Variants in RADX observed in about 807,000 individuals in gnomAD.
The protein encoded by RADX is RPA-related protein RADX.
Under a neutral mutation model 61.6 loss-of-function variants are expected in RADX, and 36 were observed. That is an observed-to-expected ratio of 0.58 (90% confidence interval 0.45 to 0.77). The LOEUF (loss-of-function observed/expected upper bound fraction) is 0.77, where lower values mean the gene tolerates loss of function less well. Ranked by LOEUF, RADX falls within the 30% of genes least tolerant of loss-of-function variation. The pLI, the probability that RADX is intolerant of heterozygous loss-of-function variation, is 0.00. For synonymous variants in RADX, 272 were observed against 237.9 expected, an observed-to-expected ratio of 1.14 and a Z score of -1.32; for missense variants, 497 against 651.1, an observed-to-expected ratio of 0.76 and a Z score of 2.58.
intron 2 of RADX, among the ~76,000 whole-genome samples, chrX:106,623,302 G>A (rs925530634): frequency 1.4e-4 from 16 of 111,346 alleles, no homozygotes; most frequent in Admixed American, 1.4e-3. Flanking sequence ...TGTCAAATCT[G>A]TGTGATACTT....
At chrX:106,636,702 C>A in intron 7 of RADX, 55 bp downstream of exon 7, 1 of 634,043 alleles carries the variant, frequency 1.6e-6, no homozygotes, top group Non-Finnish European at 2.4e-6. Flanking sequence ...TCCCTAGAAT[C>A]CTTCAGTACA....
chrX:106,642,558 C>T (rs758387618), intron 10 of RADX, among the ~76,000 whole-genome samples: 1 of 111,711 alleles, frequency 9.0e-6, no homozygotes, highest in African/African-American at 3.2e-5. Context: ...ATCTCCAGTT[C>T]CATCCATGTT....
rs1181658291 is a variant in RADX, at chrX:106,631,376, G to A, written c.980-1249G>A. ...TTAGTACTAAGGGAAATACAAAATAGGATCACAACAAATTGTCATATCACT... is the reference window on the plus strand; with the variant it reads ...TTAGTACTAAGGGAAATACAAAATAAGATCACAACAAATTGTCATATCACT... On this transcript the variant is annotated intron_variant, in intron 3 of 13. Coordinates refer to ENST00000372548, the MANE Select transcript of RADX (RefSeq NM_018015.6). 3.6e-5 allele frequency among the ~76,000 whole-genome samples: 4 copies of A among 110,865 alleles called. No individual in the cohort carries two copies. The Admixed American group carries it at 3.9e-4, about 11-fold the overall frequency.
At chrX:106,651,060 G>GTA (rs1343888149) in intron 11 of RADX, among the ~76,000 whole-genome samples, 2 of 110,634 alleles carry the variant, frequency 1.8e-5, no homozygotes, top group Admixed American at 9.7e-5. Flanking sequence ...TTTCAAAATT[G>GTA]TATATATATA....
chrX:106,623,663 C>T (rs1001783605), intron 2 of RADX, among the ~76,000 whole-genome samples: 12 of 110,503 alleles, frequency 1.1e-4, no homozygotes, highest in Admixed American at 9.7e-4. Flanking sequence ...ATATATATCA[C>T]ATATATGTGC....
At chrX:106,657,075 G>C (rs773359383) in intron 11 of RADX, among the ~76,000 whole-genome samples, 3 of 112,354 alleles carry the variant, frequency 2.7e-5, no homozygotes, top group Non-Finnish European at 5.6e-5. Context: ...AAAATCTGTT[G>C]TTCAGTGTAG....
At chrX:106,616,747 A>T (rs1015731344) in intron 1 of RADX, among the ~76,000 whole-genome samples, 3 of 111,220 alleles carry the variant, frequency 2.7e-5, no homozygotes, top group Non-Finnish European at 5.7e-5. Flanking sequence ...CAAATCCATT[A>T]AAAAAATGAC....
intron 11 of RADX, among the ~76,000 whole-genome samples, chrX:106,653,425 A>AAGTT (rs199997454): frequency 0.11 from 12,117 of 110,947 alleles, 1,636 homozygotes; most frequent in African/African-American, 0.38. Context: ...AGATTGTAGT[A>AAGTT]AATGTTGTAT....
At chrX:106,639,708 T>C in intron 9 of RADX, 21 bp downstream of exon 9, 4 of 1,138,950 alleles carry the variant, frequency 3.5e-6, no homozygotes, top group Non-Finnish European at 4.7e-6. Flanking sequence ...AGAGAATTAA[T>C]AGTATTTCTC....
At chrX:106,653,260 G>A (rs1331159246) in intron 11 of RADX, among the ~76,000 whole-genome samples, 3 of 110,803 alleles carry the variant, frequency 2.7e-5, no homozygotes, top group African/African-American at 9.8e-5. Flanking sequence ...TTTTCTTTTA[G>A]ATCAGAAATA....
At chrX:106,671,806 T>TTCTTTCTATATA (rs1556305188) in intron 13 of RADX, among the ~76,000 whole-genome samples, 7 of 111,654 alleles carry the variant, frequency 6.3e-5, no homozygotes, top group African/African-American at 2.0e-4. Context: ...ATATGTTTTT[T>TTCTTTCTATATA]CTTTCTATGC....
chrX:106,648,637 T>C (rs1927722207), intron 11 of RADX, among the ~76,000 whole-genome samples: 1 of 104,155 alleles, frequency 9.6e-6, no homozygotes, highest in African/African-American at 4.2e-5. Flanking sequence ...TCAAATGTAC[T>C]ATTTTTAATA....
chrX:106,674,985 C>T (rs1320903888), intron 13 of RADX, among the ~76,000 whole-genome samples: 1 of 107,046 alleles, frequency 9.3e-6, no homozygotes, highest in Non-Finnish European at 1.9e-5. Context: ...GATCTCACCA[C>T]TGCACTCCAG....
intron 6 of RADX, 26 bp from the exon 7 acceptor site, chrX:106,636,517 A>T: frequency 1.1e-6 from 1 of 933,212 alleles, no homozygotes; most frequent in South Asian, 2.1e-5. Context: ...TGGAAAAGTA[A>T]TTTCATAAGT....
intron 1 of RADX, among the ~76,000 whole-genome samples, chrX:106,620,501 C>T (rs925595762): frequency 1.8e-5 from 2 of 109,784 alleles, no homozygotes; most frequent in African/African-American, 3.3e-5. Flanking sequence ...GGTGAAACCC[C>T]GTCTCTACTA....
chrX:106,612,512 C>G lies in RADX; in HGVS notation c.432C>G (p.Gly144=). 4 of 1,210,187 alleles carry G rather than the reference C, an allele frequency of 3.3e-6. No homozygotes were observed. In the South Asian group the frequency reaches 5.3e-5, roughly 16 times the overall value. The change falls in exon 1 of 14, where the codon GGC becomes GGG. Residue 144 remains glycine (G), a synonymous_variant. Coordinates refer to ENST00000372548, the MANE Select transcript of RADX (RefSeq NM_018015.6). The stretch of plus-strand genomic sequence containing the variant: ...GTCTTTACAATGAGAAAAGGATAGG[C>G]CAGGGGATCCTGTGCATAGATAACG... ...VSCLYNEKRI[G]QGILCIDNVH...
chrX:106,678,108 C>T lies in RADX; in HGVS notation c.2438-20C>T. The T allele has an allele frequency of 9.0e-7, 1 of 1,105,747 alleles. No homozygotes were observed. Among genetic ancestry groups the T allele is most frequent in the South Asian group, 2.0e-5 (1 of 50,927 alleles). The allele number at this position is 1,105,747 out of a possible 1,213,427, so 91.1% of individuals were successfully genotyped here. On this transcript the variant is annotated intron_variant, in intron 13 of 13. Coordinates refer to ENST00000372548, the MANE Select transcript of RADX (RefSeq NM_018015.6). ...TATTTAACTATTTTACAGTACTTACCATCTGCTTTTTACTTTTAGGTGATA... is the reference window on the plus strand; with the variant it reads ...TATTTAACTATTTTACAGTACTTACTATCTGCTTTTTACTTTTAGGTGATA...
At chrX:106,634,998 C>A (rs1351016464) in intron 6 of RADX, among the ~76,000 whole-genome samples, 1 of 111,817 alleles carries the variant, frequency 8.9e-6, no homozygotes, top group African/African-American at 3.3e-5. Flanking sequence ...TGACAACAGT[C>A]ACAATTTGTT....
intron 11 of RADX, among the ~76,000 whole-genome samples, chrX:106,652,950 C>T (rs1314246624): frequency 1.0e-5 from 1 of 97,546 alleles, no homozygotes; most frequent in Non-Finnish European, 2.0e-5. Flanking sequence ...TGCACCACTG[C>T]ACTCTAGCCT....
Sources: allele counts gnomAD v4.1 joint callset (sites outside exome capture counted in the v4.1 genomes callset), GRCh38; gene constraint gnomAD v4.1.1; transcripts MANE v1.5; gene names NCBI Gene and HGNC (gene_info 2026-07-23, HGNC 2026-07-21).